CSMD1: variants seen among roughly 807,000 people sequenced by gnomAD.
CSMD1 encodes the protein CUB and Sushi multiple domains 1.
A neutral mutation model predicts 417.5 loss-of-function variants in CSMD1; 213 were observed. That is an observed-to-expected ratio of 0.51 (90% CI 0.46 to 0.57). CSMD1 has a LOEUF of 0.57. Ranked by LOEUF, CSMD1 falls within the 20% of genes least tolerant of loss-of-function variation. The pLI, the probability that CSMD1 is intolerant of heterozygous loss-of-function variation, is 0.00. For missense variants in CSMD1, 6,923 were observed against 4,529.7 expected, an observed-to-expected ratio of 1.53 and a Z score of -15.17; for synonymous variants, 2,862 against 1,736.8, an observed-to-expected ratio of 1.65 and a Z score of -16.11.
At chr8:4,387,099 T>C (rs957206576) in intron 3 of CSMD1, among the ~76,000 whole-genome samples, 4 of 151,940 alleles carry the variant, frequency 2.6e-5, no homozygotes, top group Non-Finnish European at 4.4e-5. Flanking sequence ...ATTAATAGAG[T>C]TAGGATAAAT....
chr8:4,205,221 G>C (rs946073410), intron 3 of CSMD1, among the ~76,000 whole-genome samples: 15 of 152,150 alleles, frequency 9.9e-5, no homozygotes, highest in Admixed American at 7.2e-4. Context: ...CTCTTTGGTA[G>C]AACTCTATTT....
At chr8:3,538,399 A>C (rs1229351435) in intron 10 of CSMD1, among the ~76,000 whole-genome samples, 2 of 151,994 alleles carry the variant, frequency 1.3e-5, no homozygotes, top group East Asian at 1.9e-4. Context: ...GGTGCACCTG[A>C]GATGCCTCAC....
At chr8:3,285,606 C>G (rs1370174899) in intron 25 of CSMD1, among the ~76,000 whole-genome samples, 2 of 151,936 alleles carry the variant, frequency 1.3e-5, no homozygotes, top group African/African-American at 4.8e-5. Flanking sequence ...ACCAAGTTGA[C>G]CAGGCTGGTC....
intron 2 of CSMD1, among the ~76,000 whole-genome samples, chr8:4,475,744 C>T (rs1270566234): frequency 6.6e-6 from 1 of 152,072 alleles, no homozygotes; most frequent in Non-Finnish European, 1.5e-5. Context: ...TCCCGAGTAG[C>T]TGGGATTACA....
chr8:3,091,875 T>C (rs1226906041), intron 47 of CSMD1, among the ~76,000 whole-genome samples: 2 of 152,298 alleles, frequency 1.3e-5, no homozygotes, highest in South Asian at 2.1e-4. Context: ...TTCAGGTGCA[T>C]ATGCTATTAA....
At chr8:4,304,039 T>C (rs543962764) in intron 3 of CSMD1, among the ~76,000 whole-genome samples, 67 of 152,260 alleles carry the variant, frequency 4.4e-4, no homozygotes, top group African/African-American at 1.5e-3. Flanking sequence ...AAAGCAGTGA[T>C]GAGAGAACCA....
intron 5 of CSMD1, among the ~76,000 whole-genome samples, chr8:3,892,149 G>T (rs1001052750): frequency 2.0e-5 from 3 of 152,080 alleles, no homozygotes; most frequent in African/African-American, 7.2e-5. Context: ...AAAGTGAAAG[G>T]TAACAGCCCC....
chr8:4,111,737 G>C (rs1801867517), intron 3 of CSMD1, among the ~76,000 whole-genome samples: 2 of 152,154 alleles, frequency 1.3e-5, no homozygotes, highest in African/African-American at 4.8e-5. Context: ...CATGGAAACA[G>C]AGAGGGCAAC....
intron 49 of CSMD1, among the ~76,000 whole-genome samples, chr8:3,073,003 A>C (rs1188466899): frequency 6.6e-6 from 1 of 152,150 alleles, no homozygotes; most frequent in African/African-American, 2.4e-5. Flanking sequence ...TAAAATCATA[A>C]AATTAATTTT....
chr8:3,492,859 T>C (rs1796187742), intron 11 of CSMD1, among the ~76,000 whole-genome samples: 1 of 151,886 alleles, frequency 6.6e-6, no homozygotes, highest in African/African-American at 2.4e-5. Flanking sequence ...GTTACTTTAT[T>C]ACGCAGTTTT....
At chr8:3,083,610 T>TTTTATATATATATATA (rs1563320333) in intron 49 of CSMD1, among the ~76,000 whole-genome samples, 1 of 30,930 alleles carries the variant, frequency 3.2e-5, no homozygotes, top group African/African-American at 1.4e-4. Flanking sequence ...ACCATAATTT[T>TTTTATATATATATATA]TATATATATA....
intron 30 of CSMD1, among the ~76,000 whole-genome samples, chr8:3,212,483 G>C (rs996217222): frequency 2.0e-5 from 3 of 152,044 alleles, no homozygotes; most frequent in African/African-American, 7.2e-5. Context: ...CAAGCAGCTG[G>C]GACTACAGGC....
intron 12 of CSMD1, among the ~76,000 whole-genome samples, chr8:3,419,543 C>G (rs1813358432): frequency 6.6e-6 from 1 of 152,190 alleles, no homozygotes; most frequent in African/African-American, 2.4e-5. Context: ...GGAGGATATT[C>G]AAGTAACCCT....
chr8:3,125,692 T>A (rs2129022978), intron 41 of CSMD1, among the ~76,000 whole-genome samples: 1 of 152,256 alleles, frequency 6.6e-6, no homozygotes, highest in East Asian at 1.9e-4. Context: ...AAAGTTGAAT[T>A]AAGGCCAGGT....
At chr8:4,301,613 GTCA>G (rs1477279647) in intron 3 of CSMD1, among the ~76,000 whole-genome samples, 1 of 152,196 alleles carries the variant, frequency 6.6e-6, no homozygotes. Context: ...AGCTGAACCA[GTCA>G]TCATGTCTGT....
intron 1 of CSMD1, among the ~76,000 whole-genome samples, chr8:4,728,777 A>G (rs930369513): frequency 3.3e-5 from 5 of 152,172 alleles, no homozygotes; most frequent in African/African-American, 1.2e-4. Context: ...AAATAACCAG[A>G]TGTCTGCTGC....
chr8:3,813,792 G>C (rs558193648), intron 5 of CSMD1, among the ~76,000 whole-genome samples: 1 of 152,130 alleles, frequency 6.6e-6, no homozygotes, highest in African/African-American at 2.4e-5. Context: ...CTCTATTAAT[G>C]TCTTCTGTTA....
chr8:3,971,932 G>C (rs888435931), intron 5 of CSMD1, among the ~76,000 whole-genome samples: 17 of 152,022 alleles, frequency 1.1e-4, no homozygotes, highest in African/African-American at 4.1e-4. Context: ...TTTTGAGACA[G>C]GGTGTCATTC....
chr8:3,704,571 C>T (rs757898094), intron 7 of CSMD1, among the ~76,000 whole-genome samples: 4 of 152,178 alleles, frequency 2.6e-5, no homozygotes, highest in Non-Finnish European at 5.9e-5. Context: ...CTTTGTAATT[C>T]AGCTGTCAAA....
Sources: gnomAD v4.1 joint callset for allele counts (sites outside exome capture counted in the v4.1 genomes callset) on GRCh38, gnomAD v4.1.1 for gene constraint, MANE v1.5 for transcripts, NCBI Gene and HGNC (gene_info 2026-07-23, HGNC 2026-07-21) for gene names.